Variants in CAMTA1 observed in about 807,000 individuals in gnomAD.
CAMTA1 encodes the protein calmodulin-binding transcription activator 1.
Under a neutral mutation model 170.9 loss-of-function variants are expected in CAMTA1, and 27 were observed. The observed-to-expected ratio is 0.16, with a 90% confidence interval of 0.12 to 0.22. The LOEUF (loss-of-function observed/expected upper bound fraction) is 0.22. CAMTA1 is among the 10% of genes least tolerant of loss of function. The pLI is 1.00. For synonymous variants in CAMTA1, 833 were observed against 891.5 expected (o/e 0.93, Z 1.17); for missense variants, 1,619 against 2,217.2 (o/e 0.73, Z 5.42).
chr1:6,945,212 C>T (rs1336451342), intron 3 of CAMTA1, among the ~76,000 whole-genome samples: 1 of 152,168 alleles, frequency 6.6e-6, no homozygotes, highest in Non-Finnish European at 1.5e-5. Context: ...GCTTACAATT[C>T]ACCCATTAAA....
intron 19 of CAMTA1, among the ~76,000 whole-genome samples, chr1:7,750,366 A>G (rs1025702561): frequency 1.3e-5 from 2 of 152,238 alleles, no homozygotes; most frequent in Non-Finnish European, 2.9e-5. Flanking sequence ...TTGCGACGGT[A>G]AGTTGCCGTC....
At chr1:7,750,855 A>G (rs2096891419) in intron 19 of CAMTA1, 1 of 306,306 alleles carries the variant, frequency 3.3e-6, no homozygotes, top group Non-Finnish European at 6.6e-6. Context: ...GATAGAAAAT[A>G]TTAATCCGAA....
At chr1:7,003,171 G>A (rs1043616935) in intron 3 of CAMTA1, among the ~76,000 whole-genome samples, 1 of 152,212 alleles carries the variant, frequency 6.6e-6, no homozygotes, top group African/African-American at 2.4e-5. Flanking sequence ...ATGTTTCTAG[G>A]CATTGCCAAT....
At chr1:7,376,255 C>A (rs1557614363) in intron 5 of CAMTA1, among the ~76,000 whole-genome samples, 1 of 152,232 alleles carries the variant, frequency 6.6e-6, no homozygotes, top group East Asian at 1.9e-4. Flanking sequence ...ACTCGAAGGG[C>A]CTGGGCATAA....
In CAMTA1 at chr1:7,455,218, G is replaced by A. The variant is rs575779965; in HGVS notation, c.439-12612G>A. On this transcript the variant is annotated intron_variant, in intron 5 of 22. Transcript: ENST00000303635. The surrounding 1 kb of genome is among the most constrained non-coding windows in gnomAD (Gnocchi z 5.0). Reference sequence around the variant, plus strand: ...CTCCTGCTTCTCTAGTGCAGGAGCCGCGGCTCGGCATGGTTCTGCGTGTGT... The same window carrying A: ...CTCCTGCTTCTCTAGTGCAGGAGCCACGGCTCGGCATGGTTCTGCGTGTGT... Among the ~76,000 whole-genome samples the A allele has an allele frequency of 1.2e-4, 18 of 152,182 alleles. No individual in the cohort carries two copies. The highest frequency in any genetic ancestry group is 2.1e-4 in the Non-Finnish European group (14 of 68,040).
chr1:7,340,735 T>TC (rs1307693497), intron 5 of CAMTA1, among the ~76,000 whole-genome samples: 1 of 151,408 alleles, frequency 6.6e-6, no homozygotes, highest in Non-Finnish European at 1.5e-5. Flanking sequence ...CATCCATCCA[T>TC]CCATCCATCC....
chr1:7,641,949 C>A lies in CAMTA1; in HGVS notation c.664+1396C>A, dbSNP rs80050844. 0.074 allele frequency among the ~76,000 whole-genome samples: 11,301 copies of A among 152,154 alleles called. 594 individuals are homozygous for A. The highest frequency in any genetic ancestry group is 0.2 in the Middle Eastern group (59 of 294). ...GCTCCTGAGCACAGCCTGCAGCCCCCCCACCCGCAGCCCCCGGCCTCTGCA... is the reference window on the plus strand; with the variant it reads ...GCTCCTGAGCACAGCCTGCAGCCCCACCACCCGCAGCCCCCGGCCTCTGCA... On this transcript the variant is annotated intron_variant, in intron 7 of 22. Transcript: ENST00000303635. This position sits in a 1 kb window ranked among gnomAD's most constrained non-coding sequence, Gnocchi z 4.5.
At chr1:7,488,224 C>A (rs1477937153) in intron 6 of CAMTA1, among the ~76,000 whole-genome samples, 2 of 152,160 alleles carry the variant, frequency 1.3e-5, no homozygotes, top group Non-Finnish European at 2.9e-5. Context: ...GTGACCAGAG[C>A]CTTTCCAGCA....
intron 5 of CAMTA1, among the ~76,000 whole-genome samples, chr1:7,442,666 C>T (rs1196028334): frequency 1.3e-5 from 2 of 152,204 alleles, no homozygotes; most frequent in African/African-American, 2.4e-5. Flanking sequence ...CTGAGGTTCT[C>T]AATCTCCCAG....
chr1:7,605,845 T>G (rs2095482023), intron 6 of CAMTA1, among the ~76,000 whole-genome samples: 1 of 152,178 alleles, frequency 6.6e-6, no homozygotes, highest in Non-Finnish European at 1.5e-5. Flanking sequence ...ATTTAAATAT[T>G]AATCTCATCT....
chr1:6,838,758 T>TTGTC (rs1473102069), intron 3 of CAMTA1, among the ~76,000 whole-genome samples: 3 of 151,888 alleles, frequency 2.0e-5, no homozygotes, highest in African/African-American at 7.3e-5. Context: ...AGCATCATGT[T>TTGTC]TGTTTCTTGA....
intron 4 of CAMTA1, among the ~76,000 whole-genome samples, chr1:7,230,694 C>T (rs1662620620): frequency 6.6e-6 from 1 of 152,172 alleles, no homozygotes; most frequent in South Asian, 2.1e-4. Context: ...CCGGAGAGAT[C>T]TGGGAAAGCA....
intron 6 of CAMTA1, among the ~76,000 whole-genome samples, chr1:7,593,075 C>G (rs1031398660): frequency 7.9e-5 from 12 of 152,186 alleles, no homozygotes; most frequent in Non-Finnish European, 1.5e-4. Flanking sequence ...CCTGTTAAAG[C>G]TCCTTCATGC....
At chr1:7,265,355 C>T (rs866556705) in intron 5 of CAMTA1, among the ~76,000 whole-genome samples, 28 of 151,892 alleles carry the variant, frequency 1.8e-4, no homozygotes, top group Admixed American at 9.8e-4. Flanking sequence ...ACTCTGTCTC[C>T]GAGGTTAGAA....
intron 5 of CAMTA1, among the ~76,000 whole-genome samples, chr1:7,258,991 G>T (rs558426695): frequency 1.3e-5 from 2 of 152,294 alleles, no homozygotes; most frequent in South Asian, 4.1e-4. Flanking sequence ...TGTAAATGAA[G>T]GGCTCTTTTG....
At chr1:7,123,322 C>T (rs1311491005) in intron 4 of CAMTA1, among the ~76,000 whole-genome samples, 1 of 152,140 alleles carries the variant, frequency 6.6e-6, no homozygotes, top group Non-Finnish European at 1.5e-5. Context: ...AATGTGTCTG[C>T]CTCCGTGTCC....
intron 3 of CAMTA1, among the ~76,000 whole-genome samples, chr1:7,009,887 G>A (rs1699542416): frequency 6.6e-6 from 1 of 152,214 alleles, no homozygotes; most frequent in African/African-American, 2.4e-5. Context: ...CGGTCCTCGT[G>A]CTTGGGCTCT....
intron 3 of CAMTA1, among the ~76,000 whole-genome samples, chr1:7,079,637 A>AT (rs1325106329): frequency 2.7e-5 from 4 of 150,566 alleles, no homozygotes; most frequent in African/African-American, 9.8e-5. Flanking sequence ...ACGCCTGGCT[A>AT]ATTTTTTTTT....
intron 22 of CAMTA1, among the ~76,000 whole-genome samples, chr1:7,764,781 G>A (rs1337688837): frequency 1.3e-5 from 2 of 152,010 alleles, no homozygotes; most frequent in Non-Finnish European, 1.5e-5. Flanking sequence ...CCAACATGGC[G>A]AAACATCATC....
Sources: allele counts gnomAD v4.1 joint callset (sites outside exome capture counted in the v4.1 genomes callset), GRCh38; gene constraint gnomAD v4.1.1; non-coding constraint Gnocchi (gnomAD v3.1); transcripts MANE v1.5; gene names NCBI Gene and HGNC (gene_info 2026-07-23, HGNC 2026-07-21).